The following KIRREL3 variants were observed in gnomAD, a reference collection of about 807,000 sequenced individuals.
KIRREL3 encodes the protein kirre like nephrin family adhesion molecule 3, also known as kin of IRRE-like protein 3.
In KIRREL3, 36 loss-of-function variants were observed where a neutral mutation model predicts 89.7. The observed-to-expected ratio is 0.40, with a 90% CI of 0.31 to 0.53. The LOEUF (loss-of-function observed/expected upper bound fraction) is 0.53, where lower values mean the gene tolerates loss of function less well. Ranked by LOEUF, KIRREL3 falls within the 20% of genes least tolerant of loss-of-function variation. The probability of loss-of-function intolerance (pLI) is 0.49; values close to 1 mark genes in which losing one functional copy is unlikely to be tolerated. For synonymous variants in KIRREL3, 445 were observed against 441.4 expected, an observed-to-expected ratio of 1.01 and a Z score of -0.10; for missense variants, 864 against 1,056.6, an observed-to-expected ratio of 0.82 and a Z score of 2.53.
Position 126,587,613 on chromosome 11 carries a change from G to C in KIRREL3, c.56-24701C>G, listed in dbSNP as rs1941929766. Among the ~76,000 whole-genome samples the C allele has an allele frequency of 6.6e-6, 1 of 152,142 alleles. No homozygotes were observed. The highest frequency in any genetic ancestry group is 1.5e-5 in the Non-Finnish European group (1 of 68,024). On this transcript the variant is annotated intron_variant, in intron 1 of 16. Coordinates refer to ENST00000525144, the MANE Select transcript of KIRREL3 (RefSeq NM_032531.4). The surrounding 1 kb of genome is among the most constrained non-coding windows in gnomAD (Gnocchi z 5.2). Reference sequence around the variant, plus strand: ...AGAGGAGCACGCAGCACCAATCCCTGAATCAAAATAAAAATCCGGCTGCAC... The same window carrying C: ...AGAGGAGCACGCAGCACCAATCCCTCAATCAAAATAAAAATCCGGCTGCAC...
chr11:126,717,176 G>T (rs1033337023), intron 1 of KIRREL3, among the ~76,000 whole-genome samples: 1 of 152,152 alleles, frequency 6.6e-6, no homozygotes, highest in East Asian at 1.9e-4. Flanking sequence ...GGCTGTCCTC[G>T]CTGGACTTTA....
intron 2 of KIRREL3, among the ~76,000 whole-genome samples, chr11:126,556,762 C>T (rs569942562): frequency 6.6e-6 from 1 of 152,144 alleles, no homozygotes; most frequent in Non-Finnish European, 1.5e-5. Context: ...TGGAATGTTC[C>T]CTCAGATCCT....
chr11:126,954,118 T>G lies in KIRREL3; in HGVS notation c.55+46337A>C, dbSNP rs1271487967. On this transcript the variant is annotated intron_variant, in intron 1 of 16. Coordinates refer to ENST00000525144, the MANE Select transcript of KIRREL3 (RefSeq NM_032531.4). This position sits in a 1 kb window ranked among gnomAD's most constrained non-coding sequence, Gnocchi z 4.1. Reference sequence around the variant, plus strand: ...AGCGCCTCTAATACCCTATGTGGTTTCTTGAGATTTCCAAATGAGTGAGGT... The same window carrying G: ...AGCGCCTCTAATACCCTATGTGGTTGCTTGAGATTTCCAAATGAGTGAGGT... Among the ~76,000 whole-genome samples the G allele has an allele frequency of 6.6e-6, 1 of 152,058 alleles. No homozygotes were observed. Among genetic ancestry groups the G allele is most frequent in the Non-Finnish European group, 1.5e-5 (1 of 68,012 alleles).
chr11:126,674,985 C>T (rs1254644582), intron 1 of KIRREL3, among the ~76,000 whole-genome samples: 9 of 152,212 alleles, frequency 5.9e-5, no homozygotes, highest in South Asian at 2.1e-4. Context: ...ATTTGCCTCA[C>T]GTCAAGAGGA....
intron 1 of KIRREL3, among the ~76,000 whole-genome samples, chr11:126,770,186 A>T (rs1949974935): frequency 6.6e-6 from 1 of 152,054 alleles, no homozygotes. Flanking sequence ...CCTGCTTGTC[A>T]AGGGCCCACC....
chr11:126,757,322 A>G (rs1407936732), intron 1 of KIRREL3, among the ~76,000 whole-genome samples: 1 of 152,132 alleles, frequency 6.6e-6, no homozygotes, highest in Non-Finnish European at 1.5e-5. Context: ...AGAAAAGAGA[A>G]GAAAAGAAAA....
rs1343455662 is a variant in KIRREL3, at chr11:126,535,333, C to T, written c.134-8646G>A. Among the ~76,000 whole-genome samples, 2 of 152,154 alleles carry T rather than the reference C, an allele frequency of 1.3e-5. No homozygotes were observed. The highest frequency in any genetic ancestry group is 1.9e-4 in the East Asian group (1 of 5,186). On this transcript the variant is annotated intron_variant, in intron 2 of 16. Coordinates refer to ENST00000525144, the MANE Select transcript of KIRREL3 (RefSeq NM_032531.4). This position sits in a 1 kb window ranked among gnomAD's most constrained non-coding sequence, Gnocchi z 4.5. ...CTGGGACTCGCAGCACACATTATCA[C>T]GGAATGAACCATCACCATCTGGCTC...
Position 126,656,548 on chromosome 11 carries a change from C to T in KIRREL3, c.56-93636G>A, listed in dbSNP as rs547856973. Among the ~76,000 whole-genome samples the T allele has an allele frequency of 3.0e-4, 46 of 152,272 alleles. 1 individual carries two copies. Among genetic ancestry groups the T allele is most frequent in the South Asian group, 2.7e-3 (13 of 4,820 alleles). On this transcript the variant is annotated intron_variant, in intron 1 of 16. Transcript: ENST00000525144. This position sits in a 1 kb window ranked among gnomAD's most constrained non-coding sequence, Gnocchi z 4.0. ...ATAAGGCAGCAGGTGACAGTGGTTGCGTGCTCCTGGGCACCGCCTGCCCAG... is the reference window on the plus strand; with the variant it reads ...ATAAGGCAGCAGGTGACAGTGGTTGTGTGCTCCTGGGCACCGCCTGCCCAG...
intron 1 of KIRREL3, among the ~76,000 whole-genome samples, chr11:126,901,927 G>T (rs1015646160): frequency 1.3e-5 from 2 of 152,198 alleles, no homozygotes; most frequent in Admixed American, 6.5e-5. Context: ...GACACCAGTT[G>T]TTTGCCAGGT....
chr11:126,511,292 C>T (rs1958210943), intron 4 of KIRREL3, among the ~76,000 whole-genome samples: 1 of 151,286 alleles, frequency 6.6e-6, no homozygotes, highest in African/African-American at 2.4e-5. Context: ...CCACTGCACT[C>T]CAGGTTGGGC....
chr11:126,602,888 GA>G (rs2134754500), intron 1 of KIRREL3, among the ~76,000 whole-genome samples: 1 of 152,320 alleles, frequency 6.6e-6, no homozygotes, highest in Admixed American at 6.5e-5. Context: ...GTCAGCTCAG[GA>G]AAGCACAGCA....
chr11:126,572,931 C>T (rs913382890), intron 1 of KIRREL3, among the ~76,000 whole-genome samples: 8 of 152,172 alleles, frequency 5.3e-5, no homozygotes, highest in African/African-American at 1.9e-4. Flanking sequence ...CCAGCCCCTG[C>T]CCTCAAGCCC....
At chr11:126,448,330 G>A (rs922689234) in intron 8 of KIRREL3, among the ~76,000 whole-genome samples, 2 of 151,118 alleles carry the variant, frequency 1.3e-5, no homozygotes, top group Non-Finnish European at 1.5e-5. Context: ...AGGTACGTCC[G>A]TGAGTCCCCT....
rs1010988187 is a variant in KIRREL3, at chr11:126,607,970, C to A, written c.56-45058G>T. On this transcript the variant is annotated intron_variant, in intron 1 of 16. Transcript: ENST00000525144. The surrounding 1 kb of genome is among the most constrained non-coding windows in gnomAD (Gnocchi z 6.6). ...GCTCAGCCCCATCGCAGCAAGGGCC[C>A]GAGGAACGAGCACGTCAGCTGTCTC... is the stretch of plus-strand genomic sequence containing the variant. Among the ~76,000 whole-genome samples, 1 of 152,158 alleles carries A rather than the reference C, an allele frequency of 6.6e-6. No individual in the cohort carries two copies. Among genetic ancestry groups the A allele is most frequent in the African/African-American group, 2.4e-5 (1 of 41,432 alleles).
rs1950764566 is a variant in KIRREL3 at position 126,795,125 on chromosome 11, G to A, written c.55+205330C>T. On this transcript the variant is annotated intron_variant, in intron 1 of 16. Coordinates refer to ENST00000525144, the MANE Select transcript of KIRREL3 (RefSeq NM_032531.4). The surrounding 1 kb of genome is among the most constrained non-coding windows in gnomAD (Gnocchi z 4.1). ...TTGTGGAGCACAGGTGTTTGTTAGG[G>A]CACTGAAACTATTCTGTATGATCAT... 6.6e-6 allele frequency among the ~76,000 whole-genome samples: 1 copy of A among 152,268 alleles called. No individual in the cohort carries two copies. The highest frequency in any genetic ancestry group is 2.1e-4 in the South Asian group (1 of 4,820).
chr11:126,991,006 T>G lies in KIRREL3; in HGVS notation c.55+9449A>C, dbSNP rs1356745477. Among the ~76,000 whole-genome samples, 1 of 152,186 alleles carries G rather than the reference T, an allele frequency of 6.6e-6. No homozygotes were observed. The highest frequency in any genetic ancestry group is 2.4e-5 in the African/African-American group (1 of 41,450). On this transcript the variant is annotated intron_variant, in intron 1 of 16. Transcript: ENST00000525144. This position sits in a 1 kb window ranked among gnomAD's most constrained non-coding sequence, Gnocchi z 5.8. Reference sequence around the variant, plus strand: ...GCATTGCCAAGGGTGACAGGTGGACTGTCACACTGCACCAGAGCCGAGTCA... The same window carrying G: ...GCATTGCCAAGGGTGACAGGTGGACGGTCACACTGCACCAGAGCCGAGTCA...
In KIRREL3 at chr11:126,566,512, C is replaced by T. The variant is rs182636488; in HGVS notation, c.56-3600G>A. 2.9e-4 allele frequency among the ~76,000 whole-genome samples: 44 copies of T among 152,204 alleles called. No individual in the cohort carries two copies. Among genetic ancestry groups the T allele is most frequent in the African/African-American group, 1.0e-3 (42 of 41,524 alleles). On this transcript the variant is annotated intron_variant, in intron 1 of 16. Coordinates refer to ENST00000525144, the MANE Select transcript of KIRREL3 (RefSeq NM_032531.4). This position sits in a 1 kb window ranked among gnomAD's most constrained non-coding sequence, Gnocchi z 4.9. ...GGACTGTGAAGGGTTCCTTCTGACT[C>T]GGGTCAGAATGAAAATAAGTGGGCT...
chr11:126,807,938 T>G lies in KIRREL3; in HGVS notation c.55+192517A>C, dbSNP rs921775450. On this transcript the variant is annotated intron_variant, in intron 1 of 16. Coordinates refer to ENST00000525144, the MANE Select transcript of KIRREL3 (RefSeq NM_032531.4). The surrounding 1 kb of genome is among the most constrained non-coding windows in gnomAD (Gnocchi z 4.3). Reference sequence around the variant, plus strand: ...TGCCCAAGGCCATGGGCTGCAACCTTTTTATCTGTATCCCTCAGTGCCTGG... The same window carrying G: ...TGCCCAAGGCCATGGGCTGCAACCTGTTTATCTGTATCCCTCAGTGCCTGG... Among the ~76,000 whole-genome samples, 1 of 152,220 alleles carries G rather than the reference T, an allele frequency of 6.6e-6. No homozygotes were observed. Among genetic ancestry groups the G allele is most frequent in the African/African-American group, 2.4e-5 (1 of 41,446 alleles).
intron 1 of KIRREL3, among the ~76,000 whole-genome samples, chr11:126,937,815 T>C (rs907521947): frequency 6.6e-6 from 1 of 151,966 alleles, no homozygotes; most frequent in Non-Finnish European, 1.5e-5. Flanking sequence ...AGGAGAATGG[T>C]GTGAACCAAG....
Sources: gnomAD v4.1 joint callset for allele counts (sites outside exome capture counted in the v4.1 genomes callset) on GRCh38, gnomAD v4.1.1 for gene constraint, Gnocchi (gnomAD v3.1) non-coding constraint, MANE v1.5 for transcripts, NCBI Gene and HGNC (gene_info 2026-07-23, HGNC 2026-07-21) for gene names.